Variants in NHS observed in about 807,000 individuals in gnomAD.
NHS encodes NHS actin remodeling regulator.
In NHS, 5 loss-of-function variants were observed where a neutral mutation model predicts 72.5. That is an observed-to-expected ratio of 0.07 (90% CI 0.04 to 0.14). The LOEUF is 0.14. Ranked by LOEUF, NHS falls within the 10% of genes least tolerant of loss-of-function variation. The pLI is 1.00. For synonymous variants in NHS, 464 were observed against 547.7 expected (o/e 0.85, Z 2.13); for missense variants, 1,072 against 1,355.7 (o/e 0.79, Z 3.29).
intron 1 of NHS, among the ~76,000 whole-genome samples, chrX:17,561,563 C>CGT (rs2065413082): frequency 1.4e-5 from 1 of 70,178 alleles, no homozygotes; most frequent in Non-Finnish European, 2.4e-5. Flanking sequence ...TGCATGCGCG[C>CGT]GCGCGCGCGC....
intron 1 of NHS, among the ~76,000 whole-genome samples, chrX:17,670,544 G>A (rs1366270288): frequency 8.9e-6 from 1 of 112,583 alleles, no homozygotes; most frequent in Non-Finnish European, 1.9e-5. Flanking sequence ...CCAGTTAGAG[G>A]ACTGGTTTAT....
chrX:17,618,686 C>T (rs2065758283), intron 1 of NHS, among the ~76,000 whole-genome samples: 1 of 112,038 alleles, frequency 8.9e-6, no homozygotes, highest in South Asian at 3.7e-4. Context: ...GCATTAGTTT[C>T]TTCTACTAAT....
At chrX:17,558,194 A>G (rs1448195363) in intron 1 of NHS, among the ~76,000 whole-genome samples, 1 of 111,687 alleles carries the variant, frequency 9.0e-6, no homozygotes, top group African/African-American at 3.3e-5. Flanking sequence ...TTTAAAGGTG[A>G]ATTAGAACTG....
intron 1 of NHS, among the ~76,000 whole-genome samples, chrX:17,561,574 GCACACACACACACACACA>G (rs530971006): frequency 3.2e-4 from 21 of 65,401 alleles, no homozygotes; most frequent in Non-Finnish European, 3.9e-4. Context: ...GCGCGCGCGC[GCACACACACACACACACA>G]CACACACACA....
At chrX:17,465,874 A>G (rs1342325618) in intron 1 of NHS, among the ~76,000 whole-genome samples, 35 of 112,654 alleles carry the variant, frequency 3.1e-4, no homozygotes, top group Non-Finnish European at 7.5e-5. Flanking sequence ...GTGCTCACCC[A>G]GCGACACCCT....
intron 1 of NHS, among the ~76,000 whole-genome samples, chrX:17,678,658 G>C (rs1474963738): frequency 9.0e-6 from 1 of 110,867 alleles, no homozygotes; most frequent in Non-Finnish European, 1.9e-5. Flanking sequence ...CCTCCCACCA[G>C]GCCCCACCTC....
chrX:17,548,777 A>G (rs1286669637), intron 1 of NHS, among the ~76,000 whole-genome samples: 2 of 111,689 alleles, frequency 1.8e-5, no homozygotes, highest in African/African-American at 3.3e-5. Context: ...TAGGGGATCT[A>G]TGAATTGCAG....
intron 1 of NHS, among the ~76,000 whole-genome samples, chrX:17,645,200 A>G (rs1267360178): frequency 1.8e-5 from 2 of 111,707 alleles, no homozygotes; most frequent in Non-Finnish European, 3.8e-5. Flanking sequence ...ATTAATTTTT[A>G]AAACTATCTT....
intron 1 of NHS, among the ~76,000 whole-genome samples, chrX:17,427,392 G>A (rs1395705421): frequency 2.7e-5 from 3 of 112,206 alleles, no homozygotes; most frequent in Non-Finnish European, 1.9e-5. Context: ...CCTCTCTACC[G>A]AAATGTACAC....
intron 3 of NHS, among the ~76,000 whole-genome samples, chrX:17,718,883 GAAGT>G (rs1300186640): frequency 1.1e-5 from 1 of 92,433 alleles, no homozygotes; most frequent in African/African-American, 4.1e-5. Context: ...AAGGAAGGAG[GAAGT>G]AAGGAAGGAA....
chrX:17,450,550 G>A (rs1413880200), intron 1 of NHS, among the ~76,000 whole-genome samples: 1 of 111,996 alleles, frequency 8.9e-6, no homozygotes. Context: ...TCTCGTTCCA[G>A]AGTCTGAGCT....
intron 1 of NHS, among the ~76,000 whole-genome samples, chrX:17,436,217 G>A: frequency 8.9e-6 from 1 of 111,738 alleles, no homozygotes; most frequent in East Asian, 2.8e-4. Context: ...TCAGGGTTGT[G>A]TCTCTCAGAA....
At chrX:17,625,799 T>G (rs2065795552) in intron 1 of NHS, among the ~76,000 whole-genome samples, 1 of 112,115 alleles carries the variant, frequency 8.9e-6, no homozygotes, top group African/African-American at 3.2e-5. Context: ...TAAAGTATAA[T>G]CATAAAAATC....
intron 1 of NHS, among the ~76,000 whole-genome samples, chrX:17,469,721 G>T (rs763219830): frequency 8.9e-6 from 1 of 112,231 alleles, no homozygotes; most frequent in South Asian, 3.7e-4. Context: ...ACTCTCTGCA[G>T]CCTCCGCCTC....
chrX:17,646,082 GCTGGGATTAGCCACCATGCCCAGC>G, intron 1 of NHS, among the ~76,000 whole-genome samples: 1 of 111,522 alleles, frequency 9.0e-6, no homozygotes, highest in African/African-American at 3.3e-5. Flanking sequence ...CTCCCAAGTA[GCTGGGATTAGCCACCATGCCCAGC>G]TAATTTTTTA....
At chrX:17,403,829 G>T (rs2064514254) in intron 1 of NHS, among the ~76,000 whole-genome samples, 1 of 111,191 alleles carries the variant, frequency 9.0e-6, no homozygotes, top group African/African-American at 3.3e-5. Flanking sequence ...GGCCACATCT[G>T]CTCCTTTGTG....
chrX:17,395,645 T>C (rs2064471264), intron 1 of NHS, among the ~76,000 whole-genome samples: 1 of 111,824 alleles, frequency 8.9e-6, no homozygotes, highest in African/African-American at 3.3e-5. Flanking sequence ...TTTTCATTTA[T>C]TCAGATAGGC....
chrX:17,480,627 TAACTC>T (rs2064942459), intron 1 of NHS, among the ~76,000 whole-genome samples: 1 of 111,805 alleles, frequency 8.9e-6, no homozygotes. Flanking sequence ...ATACAAAAAT[TAACTC>T]AAGGTGGATT....
chrX:17,692,581 A>G lies in NHS; in HGVS notation c.852+113A>G, dbSNP rs915044050. On this transcript the variant is annotated intron_variant, in intron 3 of 8. Coordinates refer to ENST00000676302, the MANE Select transcript of NHS (RefSeq NM_001291867.2). ...AGAGGCTGGGCTGGCTAAGAGCTCA[A>G]ATCATGGGCATTTGGGAACAAATTA... 5 of 945,385 alleles carry G rather than the reference A, an allele frequency of 5.3e-6. No individual in the cohort carries two copies. In the African/African-American group the frequency reaches 9.7e-5, roughly 18 times the overall value. 77.9% of individuals were successfully genotyped at this position (945,385 alleles called of 1,213,427 possible).
Sources: allele counts gnomAD v4.1 joint callset (sites outside exome capture counted in the v4.1 genomes callset), GRCh38; gene constraint gnomAD v4.1.1; transcripts MANE v1.5; gene names NCBI Gene and HGNC (gene_info 2026-07-23, HGNC 2026-07-21).